Variants in NAALADL2 observed in about 807,000 individuals in gnomAD.
The protein encoded by NAALADL2 is N-acetylated alpha-linked acidic dipeptidase like 2.
In NAALADL2, 76 loss-of-function variants were observed where a neutral mutation model predicts 87.2. That is an observed-to-expected ratio of 0.87 (90% confidence interval 0.72 to 1.05). The LOEUF is 1.05. NAALADL2 is among the 50% of genes least tolerant of loss of function. The pLI is 0.00. For missense variants in NAALADL2, 1,089 were observed against 945.8 expected, an observed-to-expected ratio of 1.15 and a Z score of -1.99; for synonymous variants, 354 against 331.0, an observed-to-expected ratio of 1.07 and a Z score of -0.75.
At chr3:175,516,255 C>T (rs549391560) in intron 9 of NAALADL2, among the ~76,000 whole-genome samples, 23 of 152,226 alleles carry the variant, frequency 1.5e-4, no homozygotes, top group Non-Finnish European at 3.1e-4. Flanking sequence ...ATGAGATAGC[C>T]CTATTGTTTA....
intron 2 of NAALADL2, among the ~76,000 whole-genome samples, chr3:174,628,359 C>T (rs1721784342): frequency 6.6e-6 from 1 of 151,142 alleles, no homozygotes; most frequent in Admixed American, 6.6e-5. Context: ...CACCTGTAAT[C>T]CCAGCTACTT....
chr3:175,129,133 G>T (rs187832711), intron 2 of NAALADL2, among the ~76,000 whole-genome samples: 198 of 151,532 alleles, frequency 1.3e-3, no homozygotes, highest in African/African-American at 4.2e-3. Context: ...TTTTAATAGA[G>T]ACAGGGTTTT....
intron 1 of NAALADL2, among the ~76,000 whole-genome samples, chr3:174,544,730 C>A (rs1292424380): frequency 1.3e-5 from 2 of 151,656 alleles, no homozygotes; most frequent in Non-Finnish European, 2.9e-5. Context: ...GTCACCACAC[C>A]CAGCTAATTT....
chr3:175,000,888 G>C (rs958837774), intron 1 of NAALADL2, among the ~76,000 whole-genome samples: 2 of 152,188 alleles, frequency 1.3e-5, no homozygotes, highest in African/African-American at 4.8e-5. Flanking sequence ...GAGAGGCCAA[G>C]TGGTTTGTTG....
intron 3 of NAALADL2, among the ~76,000 whole-genome samples, chr3:174,786,901 G>A (rs1395786989): frequency 6.6e-6 from 1 of 152,010 alleles, no homozygotes; most frequent in Non-Finnish European, 1.5e-5. Context: ...TAGATATTCT[G>A]ATATGAAGTT....
At chr3:174,720,768 A>G (rs1267775356) in intron 2 of NAALADL2, among the ~76,000 whole-genome samples, 1 of 152,212 alleles carries the variant, frequency 6.6e-6, no homozygotes, top group Non-Finnish European at 1.5e-5. Context: ...AAACATCACT[A>G]GGAGTACATT....
chr3:174,683,222 A>G (rs562759359), intron 2 of NAALADL2, among the ~76,000 whole-genome samples: 2 of 152,294 alleles, frequency 1.3e-5, no homozygotes, highest in African/African-American at 4.8e-5. Flanking sequence ...GAGACAAAAG[A>G]AAAAAGAATA....
intron 5 of NAALADL2, among the ~76,000 whole-genome samples, chr3:175,430,600 G>T (rs1717584978): frequency 1.3e-5 from 2 of 151,968 alleles, no homozygotes; most frequent in Non-Finnish European, 2.9e-5. Context: ...TTACATCTCT[G>T]TTATCCAGAG....
At chr3:174,809,256 G>A (rs2069174) in intron 3 of NAALADL2, among the ~76,000 whole-genome samples, 40,864 of 151,986 alleles carry the variant, frequency 0.27, 5,808 homozygotes, top group East Asian at 0.43. Flanking sequence ...ATATGCTTTG[G>A]AGGTATACTG....
intron 10 of NAALADL2, among the ~76,000 whole-genome samples, chr3:175,594,238 G>A (rs1391362660): frequency 6.6e-6 from 1 of 152,104 alleles, no homozygotes; most frequent in Non-Finnish European, 1.5e-5. Context: ...TTATAAGTGA[G>A]AACATGCAGT....
At chr3:174,998,898 G>T (rs969892231) in intron 1 of NAALADL2, among the ~76,000 whole-genome samples, 1 of 152,104 alleles carries the variant, frequency 6.6e-6, no homozygotes, top group African/African-American at 2.4e-5. Flanking sequence ...CAGTAGTGAA[G>T]AATAATCATC....
At chr3:175,565,600 C>A (rs753811929) in intron 9 of NAALADL2, among the ~76,000 whole-genome samples, 3 of 148,424 alleles carry the variant, frequency 2.0e-5, no homozygotes, top group Non-Finnish European at 3.0e-5. Flanking sequence ...TTCCCAAAAC[C>A]TCTGTAAGAG....
intron 9 of NAALADL2, among the ~76,000 whole-genome samples, chr3:175,523,606 G>C (rs1732973561): frequency 6.6e-6 from 1 of 152,220 alleles, no homozygotes; most frequent in Non-Finnish European, 1.5e-5. Flanking sequence ...GCGAAGCAAT[G>C]GAGCAATGGT....
intron 1 of NAALADL2, among the ~76,000 whole-genome samples, chr3:175,054,787 A>G (rs1366207699): frequency 1.3e-5 from 2 of 152,186 alleles, no homozygotes; most frequent in Non-Finnish European, 2.9e-5. Context: ...TAACAGGGAC[A>G]TACCCCATTT....
At chr3:174,954,778 TG>T (rs1287571950) in intron 1 of NAALADL2, among the ~76,000 whole-genome samples, 1 of 152,076 alleles carries the variant, frequency 6.6e-6, no homozygotes, top group Non-Finnish European at 1.5e-5. Context: ...CTGAGAGGTT[TG>T]CTGTTATTCT....
intron 1 of NAALADL2, among the ~76,000 whole-genome samples, chr3:174,462,510 A>G (rs1255881051): frequency 4.6e-5 from 7 of 152,266 alleles, no homozygotes; most frequent in South Asian, 2.1e-4. Context: ...GGGACATAAG[A>G]CGAAGTGGAA....
At chr3:174,717,398 A>G (rs1731286018) in intron 2 of NAALADL2, among the ~76,000 whole-genome samples, 1 of 152,162 alleles carries the variant, frequency 6.6e-6, no homozygotes, top group African/African-American at 2.4e-5. Flanking sequence ...GCAAAATAGG[A>G]GGGAAAAATG....
intron 3 of NAALADL2, among the ~76,000 whole-genome samples, chr3:175,247,510 G>A (rs1748206141): frequency 6.6e-6 from 1 of 151,860 alleles, no homozygotes; most frequent in African/African-American, 2.4e-5. Context: ...CGGGAAAGAG[G>A]GTGTATTTCT....
Position 175,697,860 on chromosome 3 carries a change from T to C in NAALADL2, c.1897-39446T>C, listed in dbSNP as rs529980364. Reference sequence around the variant, plus strand: ...ATTTATGTATACATATATATGTGTATATATGTATGTATACATATATATGTG... The same window carrying C: ...ATTTATGTATACATATATATGTGTACATATGTATGTATACATATATATGTG... On this transcript the variant is annotated intron_variant, in intron 11 of 13. Transcript: ENST00000454872. Among the ~76,000 whole-genome samples, 148 of 96,028 alleles carry C rather than the reference T, an allele frequency of 1.5e-3. 20 individuals carry two copies. The highest frequency in any genetic ancestry group is 7.2e-3 in the African/African-American group (142 of 19,630). The allele number at this position is 96,028 out of a possible 152,430, so 63.0% of individuals were successfully genotyped here.
Sources: allele counts gnomAD v4.1 joint callset (sites outside exome capture counted in the v4.1 genomes callset), GRCh38; gene constraint gnomAD v4.1.1; transcripts MANE v1.5; gene names NCBI Gene and HGNC (gene_info 2026-07-23, HGNC 2026-07-21).